The following ITGA1 variants were observed in gnomAD, a reference collection of about 807,000 sequenced individuals.
ITGA1 encodes integrin alpha-1.
A neutral mutation model predicts 145.9 loss-of-function variants in ITGA1; 85 were observed. The observed-to-expected ratio is 0.58, with a 90% CI of 0.49 to 0.70. The LOEUF is 0.70. ITGA1 is among the 30% of genes least tolerant of loss of function. The pLI is 0.00. For missense variants in ITGA1, 1,351 were observed against 1,418.7 expected, an observed-to-expected ratio of 0.95 and a Z score of 0.77; for synonymous variants, 520 against 495.3, an observed-to-expected ratio of 1.05 and a Z score of -0.66.
At chr5:52,945,153 C>A in intron 27 of ITGA1, 118 bp downstream of exon 27, 1 of 710,476 alleles carries the variant, frequency 1.4e-6, no homozygotes, top group East Asian at 2.6e-5. Flanking sequence ...CGGTAAGTGA[C>A]AGACACTATT....
chr5:52,862,880 CTATT>C (rs1486708099), intron 3 of ITGA1, among the ~76,000 whole-genome samples: 3 of 151,846 alleles, frequency 2.0e-5, no homozygotes, highest in Middle Eastern at 3.2e-3. Flanking sequence ...TTTGAATTTT[CTATT>C]TGTTTGTTTT....
intron 26 of ITGA1, 68 bp from the exon 27 acceptor site, chr5:52,944,875 C>A: frequency 9.2e-7 from 1 of 1,090,420 alleles, no homozygotes; most frequent in Non-Finnish European, 1.4e-6. Context: ...AAATGTCCTA[C>A]TCAAACATGA....
intron 1 of ITGA1, among the ~76,000 whole-genome samples, chr5:52,836,242 A>G (rs1246724861): frequency 1.3e-5 from 2 of 152,198 alleles, no homozygotes; most frequent in African/African-American, 2.4e-5. Flanking sequence ...TTTCAGTTCC[A>G]TGGTGAGGAT....
At chr5:52,788,821 C>T (rs941297547) in intron 1 of ITGA1, among the ~76,000 whole-genome samples, 6 of 151,998 alleles carry the variant, frequency 3.9e-5, no homozygotes, top group African/African-American at 1.4e-4. Context: ...AAATTCCTAC[C>T]CTCGGGTTGT....
intron 6 of ITGA1, 31 bp from the exon 7 acceptor site, chr5:52,881,842 A>G (rs893678037): frequency 1.9e-6 from 3 of 1,585,948 alleles, no homozygotes; most frequent in Non-Finnish European, 2.6e-6. Flanking sequence ...ATTTGGATTG[A>G]CGTATAACTC....
rs1199023793 is a variant in ITGA1 at position 52,802,014 on chromosome 5, ATAAAC to A, written c.61+13605_61+13609del. ...GATTGGCAAGACATGTATTTAAACA[ATAAAC>A]TAAAAGGAAATAATCTCCACGTACT... On this transcript the variant is annotated intron_variant, in intron 1 of 28. Transcript: ENST00000282588. 5.5e-6 allele frequency: 3 copies of A among 549,394 alleles called. No homozygotes were observed. The African/African-American group carries it at 5.7e-5, about 10-fold the overall frequency. The allele number at this position is 549,394 out of a possible 1,614,324, so 34.0% of individuals were successfully genotyped here.
intron 1 of ITGA1, among the ~76,000 whole-genome samples, chr5:52,798,933 G>C (rs1021001704): frequency 6.6e-6 from 1 of 152,122 alleles, no homozygotes; most frequent in African/African-American, 2.4e-5. Flanking sequence ...GCAGTTTTGC[G>C]TGACCCAGTT....
At chr5:52,846,351 A>G (rs1749337676) in intron 1 of ITGA1, among the ~76,000 whole-genome samples, 1 of 152,164 alleles carries the variant, frequency 6.6e-6, no homozygotes. Context: ...TGCAGTGAAC[A>G]GAGATTGTAC....
At chr5:52,876,253 C>T (rs894918169) in intron 6 of ITGA1, among the ~76,000 whole-genome samples, 4 of 152,156 alleles carry the variant, frequency 2.6e-5, no homozygotes, top group African/African-American at 9.7e-5. Flanking sequence ...GAAATGGGAA[C>T]TATCTCTGTT....
intron 2 of ITGA1, among the ~76,000 whole-genome samples, chr5:52,849,894 G>A (rs532676011): frequency 6.6e-6 from 1 of 152,082 alleles, no homozygotes; most frequent in Non-Finnish European, 1.5e-5. Context: ...CGTGAGTTTG[G>A]TCTTTACTGA....
chr5:52,929,028 A>G (rs1053205327), intron 20 of ITGA1, among the ~76,000 whole-genome samples: 10 of 152,138 alleles, frequency 6.6e-5, no homozygotes, highest in African/African-American at 1.9e-4. Context: ...GTCCAAACCA[A>G]TGACCTCCTA....
intron 8 of ITGA1, among the ~76,000 whole-genome samples, chr5:52,892,051 A>G (rs1750160336): frequency 6.6e-6 from 1 of 152,186 alleles, no homozygotes; most frequent in Admixed American, 6.5e-5. Context: ...TGAAAAGACA[A>G]TCTACAGACG....
At chr5:52,798,139 C>A (rs184779070) in intron 1 of ITGA1, among the ~76,000 whole-genome samples, 5 of 152,238 alleles carry the variant, frequency 3.3e-5, no homozygotes, top group Admixed American at 2.0e-4. Flanking sequence ...TTTGGATAGG[C>A]AAATCACCTT....
At chr5:52,873,436 C>CT (rs1749816230) in intron 6 of ITGA1, among the ~76,000 whole-genome samples, 2 of 152,184 alleles carry the variant, frequency 1.3e-5, no homozygotes. Context: ...TAAAGATACC[C>CT]TTTTTCTAGA....
At chr5:52,898,090 T>C (rs1750257473) in intron 10 of ITGA1, 149 bp from the exon 11 acceptor site, 2 of 456,406 alleles carry the variant, frequency 4.4e-6, no homozygotes, top group Non-Finnish European at 7.3e-6. Flanking sequence ...AGCAATAGCA[T>C]CTAACTCATA....
At chr5:52,923,427 A>G (rs77691901) in intron 18 of ITGA1, among the ~76,000 whole-genome samples, 20 of 146,790 alleles carry the variant, frequency 1.4e-4, no homozygotes, top group African/African-American at 4.5e-4. Flanking sequence ...AATAGACTAG[A>G]AAAAAAAAAA....
intron 1 of ITGA1, among the ~76,000 whole-genome samples, chr5:52,809,381 G>A (rs778141377): frequency 1.3e-5 from 2 of 152,150 alleles, no homozygotes; most frequent in African/African-American, 2.4e-5. Flanking sequence ...CTTTAGTGAG[G>A]AGGTATTCCC....
Position 52,952,620 on chromosome 5 carries a change from C to A in ITGA1, c.*169C>A, listed in dbSNP as rs1579739381. 1 of 324,536 alleles carries A rather than the reference C, an allele frequency of 3.1e-6. No homozygotes were observed. Among genetic ancestry groups the A allele is most frequent in the South Asian group, 1.4e-4 (1 of 7,178 alleles). 20.1% of individuals were successfully genotyped at this position (324,536 alleles called of 1,614,324 possible). ...GGTCATGCATTATCCAAAAACAATA[C>A]CAAAAAGACATATTTTATAAAATGA... On this transcript the variant is annotated 3_prime_UTR_variant, in exon 29 of 29. Transcript: ENST00000282588.
rs200911359 is a variant in ITGA1 at position 52,898,324 on chromosome 5, G to A, written c.1250G>A (p.Arg417Gln). ...AAGGCTAGTCAAATCATAATCCCTC[G>A]AAACACAACCTTTAATGTTGAGTCT... ...MQKASQIIIP[R>Q]NTTFNVESTK... is the part of the protein sequence containing the mutation. The change falls in exon 11 of 29, where the codon CGA (arginine) becomes CAA (glutamine). Residue 417 changes from arginine to glutamine, a missense_variant. Coordinates refer to ENST00000282588, the MANE Select transcript of ITGA1 (RefSeq NM_181501.2). The A allele has an allele frequency of 3.3e-4, 524 of 1,611,516 alleles. 1 individual carries two copies. The highest frequency in any genetic ancestry group is 1.0e-3 in the Admixed American group (62 of 59,814).
Sources: allele counts gnomAD v4.1 joint callset (sites outside exome capture counted in the v4.1 genomes callset), GRCh38; gene constraint gnomAD v4.1.1; transcripts MANE v1.5; gene names NCBI Gene and HGNC (gene_info 2026-07-23, HGNC 2026-07-21).